The following DYNC1I1 variants were observed in gnomAD, a reference collection of about 807,000 sequenced individuals.
DYNC1I1 encodes the protein cytoplasmic dynein 1 intermediate chain 1.
Under a neutral mutation model 86.6 loss-of-function variants are expected in DYNC1I1, and 43 were observed. The ratio of observed to expected loss-of-function variants is 0.50; its 90% CI spans 0.39 to 0.64. The LOEUF (loss-of-function observed/expected upper bound fraction) is 0.64. Ranked by LOEUF, DYNC1I1 falls within the 30% of genes least tolerant of loss-of-function variation. The pLI, the probability that DYNC1I1 is intolerant of heterozygous loss-of-function variation, is 0.00. For missense variants in DYNC1I1, 604 were observed against 788.8 expected, an observed-to-expected ratio of 0.77 and a Z score of 2.81; for synonymous variants, 262 against 283.7, an observed-to-expected ratio of 0.92 and a Z score of 0.77.
At chr7:96,085,993 G>A (rs1285764728) in intron 16 of DYNC1I1, among the ~76,000 whole-genome samples, 2 of 152,058 alleles carry the variant, frequency 1.3e-5, no homozygotes, top group African/African-American at 4.8e-5. Context: ...ACGACTCATT[G>A]CCATGTCTCC....
At chr7:95,987,860 C>A (rs1793635462) in intron 9 of DYNC1I1, among the ~76,000 whole-genome samples, 1 of 152,176 alleles carries the variant, frequency 6.6e-6, no homozygotes, top group Non-Finnish European at 1.5e-5. Context: ...ATGTTAAAGG[C>A]ACCACAATAT....
chr7:95,794,773 A>G (rs1794394503), intron 1 of DYNC1I1, among the ~76,000 whole-genome samples: 1 of 152,234 alleles, frequency 6.6e-6, no homozygotes, highest in South Asian at 2.1e-4. Flanking sequence ...ATATGTAGAC[A>G]CAACAGTCTT....
In DYNC1I1 at chr7:95,779,803, T is replaced by C. The variant is rs10224030; in HGVS notation, c.-10+7030T>C. ...CCTTGGAGCATTTTAATGTGTTTAG[T>C]AAAAACATTCACTTCCTGAAATGTA... On this transcript the variant is annotated intron_variant, in intron 1 of 16. Coordinates refer to ENST00000447467, the MANE Select transcript of DYNC1I1 (RefSeq NM_001135556.2). 8.7e-3 allele frequency among the ~76,000 whole-genome samples: 1,324 copies of C among 152,306 alleles called. 21 individuals carry two copies. The highest frequency in any genetic ancestry group is 0.031 in the African/African-American group (1,271 of 41,552).
chr7:95,903,455 C>A (rs1791093049), intron 6 of DYNC1I1, among the ~76,000 whole-genome samples: 1 of 152,106 alleles, frequency 6.6e-6, no homozygotes, highest in African/African-American at 2.4e-5. Context: ...GTAATCCATG[C>A]CAAGGACTGG....
intron 4 of DYNC1I1, 103 bp downstream of exon 4, chr7:95,813,440 G>T: frequency 1.4e-6 from 2 of 1,380,978 alleles, no homozygotes; most frequent in Non-Finnish European, 1.9e-6. Flanking sequence ...GCATGTATCT[G>T]CATGTGTACT....
At chr7:95,927,085 A>G in intron 6 of DYNC1I1, among the ~76,000 whole-genome samples, 1 of 152,180 alleles carries the variant, frequency 6.6e-6, no homozygotes, top group South Asian at 2.1e-4. Context: ...GTTTTTAATA[A>G]TTCTGTTTAC....
At chr7:95,926,843 C>G (rs1791759060) in intron 6 of DYNC1I1, among the ~76,000 whole-genome samples, 1 of 152,134 alleles carries the variant, frequency 6.6e-6, no homozygotes, top group Non-Finnish European at 1.5e-5. Context: ...TCCTGAGACT[C>G]TTTTTCAACA....
chr7:96,024,927 A>G (rs1484799907), intron 10 of DYNC1I1, among the ~76,000 whole-genome samples: 1 of 152,198 alleles, frequency 6.6e-6, no homozygotes, highest in East Asian at 1.9e-4. Flanking sequence ...GGGGGTTGCA[A>G]CAGTAAAAGG....
At chr7:95,957,897 G>A (rs1396970994) in intron 6 of DYNC1I1, among the ~76,000 whole-genome samples, 1 of 152,176 alleles carries the variant, frequency 6.6e-6, no homozygotes, top group African/African-American at 2.4e-5. Context: ...AGCCTTCACT[G>A]GGAGAAAGTA....
chr7:95,928,590 G>T (rs542872027), intron 6 of DYNC1I1, among the ~76,000 whole-genome samples: 4 of 152,274 alleles, frequency 2.6e-5, no homozygotes, highest in Admixed American at 2.0e-4. Context: ...TTCCAAGGGC[G>T]CACTTAATGT....
intron 13 of DYNC1I1, 30 bp from the exon 14 acceptor site, chr7:96,039,247 G>T: frequency 3.1e-6 from 5 of 1,591,022 alleles, no homozygotes; most frequent in Non-Finnish European, 4.3e-6. Flanking sequence ...GAGGTCACTG[G>T]AATTCTGCTC....
chr7:96,021,794 C>T (rs1584256681), intron 10 of DYNC1I1, among the ~76,000 whole-genome samples: 1 of 152,082 alleles, frequency 6.6e-6, no homozygotes. Context: ...TTTCAGTTAG[C>T]GTAATGATTT....
intron 6 of DYNC1I1, among the ~76,000 whole-genome samples, chr7:95,955,594 G>A (rs981630582): frequency 1.1e-4 from 17 of 152,188 alleles, no homozygotes; most frequent in South Asian, 8.3e-4. Flanking sequence ...CTAAGTGGTG[G>A]CAATTTAAAA....
intron 6 of DYNC1I1, among the ~76,000 whole-genome samples, chr7:95,961,450 T>C (rs776426334): frequency 6.6e-6 from 1 of 152,246 alleles, no homozygotes; most frequent in Non-Finnish European, 1.5e-5. Flanking sequence ...CAACATGCTA[T>C]GTGGTTTGCA....
rs915090237 is a variant in DYNC1I1 at position 95,876,972 on chromosome 7, C to G, written c.490+6974C>G. 2.0e-5 allele frequency among the ~76,000 whole-genome samples: 3 copies of G among 152,162 alleles called. No homozygotes were observed. The South Asian group carries it at 6.2e-4, about 32-fold the overall frequency. ...AAAAGAAAAAAAGAAAAACATTTAT[C>G]TAATAAAACTAATCACAACTTGGTA... On this transcript the variant is annotated intron_variant, in intron 6 of 16. Coordinates refer to ENST00000447467, the MANE Select transcript of DYNC1I1 (RefSeq NM_001135556.2).
At chr7:95,803,425 T>A (rs1343057684) in intron 1 of DYNC1I1, among the ~76,000 whole-genome samples, 3 of 152,230 alleles carry the variant, frequency 2.0e-5, no homozygotes, top group Non-Finnish European at 4.4e-5. Context: ...TGATCATGAG[T>A]GGCACAGATT....
chr7:95,778,120 C>T (rs1793892929), intron 1 of DYNC1I1, among the ~76,000 whole-genome samples: 1 of 152,114 alleles, frequency 6.6e-6, no homozygotes, highest in African/African-American at 2.4e-5. Context: ...AGTTAAGCAC[C>T]ACAGTAAAAT....
At chr7:95,975,664 C>T (rs756803140) in intron 6 of DYNC1I1, among the ~76,000 whole-genome samples, 4 of 152,156 alleles carry the variant, frequency 2.6e-5, no homozygotes, top group Non-Finnish European at 4.4e-5. Context: ...TTTGGGGACA[C>T]AGTTCAACCC....
intron 6 of DYNC1I1, among the ~76,000 whole-genome samples, chr7:95,934,844 C>G (rs536045432): frequency 2.0e-5 from 3 of 151,922 alleles, no homozygotes; most frequent in African/African-American, 7.2e-5. Context: ...TAAATATACA[C>G]AAAACTACAA....
Sources: allele counts gnomAD v4.1 joint callset (sites outside exome capture counted in the v4.1 genomes callset), GRCh38; gene constraint gnomAD v4.1.1; transcripts MANE v1.5; gene names NCBI Gene and HGNC (gene_info 2026-07-23, HGNC 2026-07-21).